DENND4C: variants seen among roughly 807,000 people sequenced by gnomAD.
DENND4C encodes the protein DENN domain-containing protein 4C.
DENND4C carries 108 observed loss-of-function variants against 203.0 expected under a neutral mutation model. The ratio of observed to expected loss-of-function variants is 0.53; its 90% CI spans 0.46 to 0.62. The LOEUF (loss-of-function observed/expected upper bound fraction) is 0.62. Ranked by LOEUF, DENND4C falls within the 20% of genes least tolerant of loss-of-function variation. DENND4C has a pLI of 0.00. For missense variants in DENND4C, 2,481 were observed against 2,301.2 expected (o/e 1.08, Z -1.60); for synonymous variants, 871 against 792.4 (o/e 1.10, Z -1.67).
intron 2 of DENND4C, among the ~76,000 whole-genome samples, chr9:19,278,072 T>TC (rs1564112309): frequency 4.3e-5 from 5 of 117,378 alleles, no homozygotes; most frequent in African/African-American, 1.7e-4. Context: ...AGCCTTTTTT[T>TC]TCTTTTTTTT....
chr9:19,275,407 C>A (rs1376404194), intron 1 of DENND4C, among the ~76,000 whole-genome samples: 3 of 151,898 alleles, frequency 2.0e-5, no homozygotes, highest in African/African-American at 4.8e-5. Flanking sequence ...ATTCTCATGC[C>A]CCAGCCTCCC....
intron 30 of DENND4C, among the ~76,000 whole-genome samples, chr9:19,367,574 A>G (rs1335012092): frequency 6.6e-6 from 1 of 152,194 alleles, no homozygotes; most frequent in East Asian, 1.9e-4. Context: ...CGTCTCTACT[A>G]AAAGAAATAC....
chr9:19,317,685 A>C (rs1842080197), intron 12 of DENND4C, among the ~76,000 whole-genome samples: 2 of 152,220 alleles, frequency 1.3e-5, no homozygotes, highest in Non-Finnish European at 2.9e-5. Context: ...ATTATGTAGG[A>C]ATATAAAGAA....
intron 1 of DENND4C, among the ~76,000 whole-genome samples, chr9:19,231,323 G>A (rs1820491806): frequency 6.6e-6 from 1 of 152,152 alleles, no homozygotes. Context: ...GGACAACGGG[G>A]AGGAGGGGGA....
Position 19,308,321 on chromosome 9 carries a change from C to T in DENND4C, c.1487+2794C>T, listed in dbSNP as rs558520469. On this transcript the variant is annotated intron_variant, in intron 10 of 32. Transcript: ENST00000434457. ...CAGCAGATGAGAGTTCTCTTTGTTTCATATCTTTGCCAACACTTGTGGTGA... is the reference window on the plus strand; with the variant it reads ...CAGCAGATGAGAGTTCTCTTTGTTTTATATCTTTGCCAACACTTGTGGTGA... Among the ~76,000 whole-genome samples the T allele has an allele frequency of 1.2e-4, 18 of 152,312 alleles. 1 individual carries two copies. The East Asian group carries it at 3.1e-3, about 26-fold the overall frequency.
rs1823108070 is a variant in DENND4C, at chr9:19,347,172, T to C, written c.4317+86T>C. ...AAATATATGTATTCTTGTTCAGAGA[T>C]TTCTGTGCCCAGGCTGGAGTACAGT... On this transcript the variant is annotated intron_variant, in intron 23 of 32. Coordinates refer to ENST00000434457, the MANE Select transcript of DENND4C (RefSeq NM_001330640.2). 2.2e-6 allele frequency: 3 copies of C among 1,333,954 alleles called. No homozygotes were observed. In the South Asian group the frequency reaches 4.4e-5, roughly 20 times the overall value. 82.6% of individuals were successfully genotyped at this position (1,333,954 alleles called of 1,614,324 possible). A position where few individuals can be genotyped will look rare whatever the true frequency, so the allele number is the denominator to read the frequency against.
Position 19,346,582 on chromosome 9 carries a change from G to T in DENND4C, c.3813G>T (p.Lys1271Asn). The change falls in exon 23 of 33, where the codon AAG becomes AAT. Residue 1271 changes from lysine to asparagine, a missense_variant. Physicochemically the swap from Lys to Asn is moderately conservative, Grantham distance 94 (BLOSUM62 0). Coordinates refer to ENST00000434457, the MANE Select transcript of DENND4C (RefSeq NM_001330640.2). The part of the protein sequence containing the change: ...TGGKTPDSED[K>N]LFSPVIARNL... ...GAAAAACTCCTGATTCTGAAGATAAGTTGTTTTCTCCAGTTATTGCACGTA... is the reference window on the plus strand; with the variant it reads ...GAAAAACTCCTGATTCTGAAGATAATTTGTTTTCTCCAGTTATTGCACGTA... 1 of 1,614,168 alleles carries T rather than the reference G, an allele frequency of 6.2e-7. No individual in the cohort carries two copies.
intron 2 of DENND4C, among the ~76,000 whole-genome samples, chr9:19,284,985 A>G (rs1834897307): frequency 2.0e-5 from 3 of 152,268 alleles, no homozygotes; most frequent in East Asian, 1.9e-4. Flanking sequence ...TAGCACTAGT[A>G]TGATTTAATT....
At chr9:19,332,214 A>C in intron 17 of DENND4C, 30 bp downstream of exon 17, 1 of 1,599,374 alleles carries the variant, frequency 6.3e-7, no homozygotes, top group Non-Finnish European at 8.6e-7. Context: ...ATTGTTTCTA[A>C]GGTAAATTTT....
intron 2 of DENND4C, among the ~76,000 whole-genome samples, chr9:19,283,006 A>G (rs1413546818): frequency 6.6e-6 from 1 of 151,834 alleles, no homozygotes; most frequent in Non-Finnish European, 1.5e-5. Flanking sequence ...GGCGTGAGCC[A>G]CCGCCTCTGA....
chr9:19,254,366 A>C (rs1827402555), intron 1 of DENND4C, among the ~76,000 whole-genome samples: 1 of 152,248 alleles, frequency 6.6e-6, no homozygotes, highest in Non-Finnish European at 1.5e-5. Context: ...ATGTGTAAAG[A>C]AATTGTGGCA....
chr9:19,296,005 T>C lies in DENND4C; in HGVS notation c.802-3T>C, dbSNP rs753264976. On this transcript the variant is annotated splice_polypyrimidine_tract_variant and splice_region_variant and intron_variant, in intron 5 of 32. Coordinates refer to ENST00000434457, the MANE Select transcript of DENND4C (RefSeq NM_001330640.2). ...CTTATAACAGAATTCTGTTACTCTT[T>C]AGGTATATGGAGCTGCCATTCAGTT... 11 of 1,597,756 alleles carry C rather than the reference T, an allele frequency of 6.9e-6. No homozygotes were observed. The African/African-American group carries it at 9.4e-5, about 14-fold the overall frequency.
intron 3 of DENND4C, among the ~76,000 whole-genome samples, chr9:19,287,392 T>C (rs566125162): frequency 6.6e-6 from 1 of 152,320 alleles, no homozygotes; most frequent in African/African-American, 2.4e-5. Flanking sequence ...TTTTTTATTT[T>C]TTTGAGACAG....
intron 3 of DENND4C, 100 bp from the exon 4 acceptor site, chr9:19,288,496 A>T: frequency 1.5e-6 from 1 of 654,958 alleles, no homozygotes; most frequent in Non-Finnish European, 2.2e-6. Context: ...TTTTAAATAG[A>T]CTCTTCTGAG....
chr9:19,312,933 A>G (rs538894570), intron 10 of DENND4C, among the ~76,000 whole-genome samples: 1 of 152,334 alleles, frequency 6.6e-6, no homozygotes, highest in Non-Finnish European at 1.5e-5. Flanking sequence ...TGCATAGTAT[A>G]TAACTGGCAT....
In DENND4C at chr9:19,336,074, A is replaced by G. The variant is rs186143387; in HGVS notation, c.2590-196A>G. ...ATTCTAACAAGTATGAGGTGATAAGATATCTCATTGTAGTCTTAATTTGCA... is the reference window on the plus strand; with the variant it reads ...ATTCTAACAAGTATGAGGTGATAAGGTATCTCATTGTAGTCTTAATTTGCA... On this transcript the variant is annotated intron_variant, in intron 18 of 32. Transcript: ENST00000434457. Among the ~76,000 whole-genome samples the G allele has an allele frequency of 3.3e-5, 5 of 151,988 alleles. No individual in the cohort carries two copies. The East Asian group carries it at 5.8e-4, about 18-fold the overall frequency.
At chr9:19,313,033 G>T (rs1841053922) in intron 10 of DENND4C, among the ~76,000 whole-genome samples, 1 of 151,594 alleles carries the variant, frequency 6.6e-6, no homozygotes, top group African/African-American at 2.4e-5. Flanking sequence ...GTCTTATTTT[G>T]TCCTTTTTGT....
At position 19,257,089 on chromosome 9, in the gene DENND4C, T is replaced by C. The variant is rs142204413; in HGVS notation, c.-17-19069T>C. On this transcript the variant is annotated intron_variant, in intron 1 of 32. Transcript: ENST00000434457. ...CGTCTCAAAAAAAAAAAAGGAAATA[T>C]ATTTTGATCCAGGTGAGGTTTCAGA... is the stretch of plus-strand genomic sequence containing the variant. Among the ~76,000 whole-genome samples the C allele has an allele frequency of 1.6e-4, 23 of 144,534 alleles. No homozygotes were observed. In the East Asian group the frequency reaches 4.7e-3, roughly 30 times the overall value. The allele number at this position is 144,534 out of a possible 152,430, so 94.8% of individuals were successfully genotyped here. A position where few individuals can be genotyped will look rare whatever the true frequency, so the allele number is the denominator to read the frequency against.
chr9:19,335,785 T>C (rs1322270025), intron 18 of DENND4C, among the ~76,000 whole-genome samples: 1 of 152,230 alleles, frequency 6.6e-6, no homozygotes, highest in African/African-American at 2.4e-5. Context: ...TGATTTCATA[T>C]GTTGGTTATT....
Sources: allele counts gnomAD v4.1 joint callset (sites outside exome capture counted in the v4.1 genomes callset), GRCh38; gene constraint gnomAD v4.1.1; transcripts MANE v1.5; gene names NCBI Gene and HGNC (gene_info 2026-07-23, HGNC 2026-07-21).